The following ECD variants were observed in gnomAD, a reference collection of about 807,000 sequenced individuals.
The protein encoded by ECD is ecdysoneless cell cycle regulator, also known as protein ecdysoneless homolog.
In ECD, 59 loss-of-function variants were observed where a neutral mutation model predicts 77.2. That is an observed-to-expected ratio of 0.76 (90% confidence interval 0.62 to 0.95). The LOEUF is 0.95. Ranked by LOEUF, ECD falls within the 40% of genes least tolerant of loss-of-function variation. ECD has a pLI of 0.00. For missense variants in ECD, 704 were observed against 763.4 expected (o/e 0.92, Z 0.92); for synonymous variants, 233 against 267.4 (o/e 0.87, Z 1.26).
chr10:73,151,779 A>T (rs1843211292), intron 7 of ECD, among the ~76,000 whole-genome samples: 1 of 152,170 alleles, frequency 6.6e-6, no homozygotes, highest in Non-Finnish European at 1.5e-5. Flanking sequence ...TATTGACTTA[A>T]AGGAACACTT....
intron 2 of ECD, among the ~76,000 whole-genome samples, chr10:73,162,764 A>G (rs1443996473): frequency 6.6e-6 from 1 of 152,202 alleles, no homozygotes; most frequent in Non-Finnish European, 1.5e-5. Flanking sequence ...TCATAAAACT[A>G]TAAGAAATGA....
Position 73,151,757 on chromosome 10 carries a change from T to C in ECD, c.912+536A>G, listed in dbSNP as rs116306477. Among the ~76,000 whole-genome samples the C allele has an allele frequency of 1.2e-3, 186 of 152,312 alleles. 1 individual carries two copies. Among genetic ancestry groups the C allele is most frequent in the African/African-American group, 4.3e-3 (180 of 41,570 alleles). ...ACATTTTAAAATTAATTGGCTAGTA[T>C]TATCATTTTCATATTGACTTAAAGG... On this transcript the variant is annotated intron_variant, in intron 7 of 13. Coordinates refer to ENST00000372979, the MANE Select transcript of ECD (RefSeq NM_007265.3).
Position 73,168,007 on chromosome 10 carries a change from C to G in ECD, c.-155G>C. ...CCCGACGCCTGACCGGAACCTGAAGCCAGCGGAAATCCTGAGAGAAAGTCT... is the reference window on the plus strand; with the variant it reads ...CCCGACGCCTGACCGGAACCTGAAGGCAGCGGAAATCCTGAGAGAAAGTCT... On this transcript the variant is annotated 5_prime_UTR_variant, in exon 1 of 14. Coordinates refer to ENST00000372979, the MANE Select transcript of ECD (RefSeq NM_007265.3). 3.0e-6 allele frequency: 1 copy of G among 331,040 alleles called. No homozygotes were observed. Among genetic ancestry groups the G allele is most frequent in the East Asian group, 7.2e-5 (1 of 13,884 alleles). The allele number at this position is 331,040 out of a possible 1,614,324, so 20.5% of individuals were successfully genotyped here.
At chr10:73,152,476 T>C in intron 6 of ECD, 55 bp from the exon 7 acceptor site, 4 of 1,565,150 alleles carry the variant, frequency 2.6e-6, no homozygotes, top group Non-Finnish European at 3.5e-6. Flanking sequence ...AGATTGTGAA[T>C]AACACTTCAC....
rs769183931 is a variant in ECD, at chr10:73,146,311, C to A, written c.1092G>T (p.Glu364Asp). Residue 364 changes from glutamate (E) to aspartate (D), a missense_variant, in exon 9 of 14, where the codon GAG (glutamate) becomes GAT (aspartate). Around this residue, in one of 3 missense-constraint regions of ECD, gnomAD observed 559 missense variants for 583.7 expected, o/e 0.96. Coordinates refer to ENST00000372979, the MANE Select transcript of ECD (RefSeq NM_007265.3). ...AGTCTACTGAGAGCTGGAAGTAATT[C>A]TCTGCCATTTCTAGCCTTTCCCGGT... The part of the protein sequence containing the change: ...AQYRERLEMA[E>D]NYFQLSVDWP... 3.7e-6 allele frequency: 6 copies of A among 1,610,690 alleles called. No homozygotes were observed. The East Asian group carries it at 6.7e-5, about 18-fold the overall frequency.
chr10:73,147,564 T>C (rs1366159546), intron 8 of ECD, among the ~76,000 whole-genome samples: 1 of 151,572 alleles, frequency 6.6e-6, no homozygotes, highest in Non-Finnish European at 1.5e-5. Flanking sequence ...AAAAAAAAAA[T>C]ACCATATATA....
rs1312782247 is a variant in ECD, at chr10:73,163,864, G to A, written c.74C>T (p.Ser25Leu). 1 of 1,614,088 alleles carries A rather than the reference G, an allele frequency of 6.2e-7. No homozygotes were observed. The highest frequency in any genetic ancestry group is 1.7e-5 in the Admixed American group (1 of 60,004). ...EYCLFLIPDE[S>L]RDSDKHKEIL... Reference sequence around the variant, plus strand: ...CTCTTTATGTTTATCTGAGTCCCTTGACTCATCTGGTATCAGGAACAGGCA... The same window carrying A: ...CTCTTTATGTTTATCTGAGTCCCTTAACTCATCTGGTATCAGGAACAGGCA... Residue 25 changes from serine to leucine, a missense_variant, in exon 2 of 14, where the codon TCA becomes TTA. Transcript: ENST00000372979.
chr10:73,151,276 A>G (rs1378586648), intron 7 of ECD, among the ~76,000 whole-genome samples: 1 of 151,334 alleles, frequency 6.6e-6, no homozygotes, highest in Non-Finnish European at 1.5e-5. Context: ...TATTGCAAGG[A>G]CAAAAAACCA....
rs776043538 is a variant in ECD at position 73,154,416 on chromosome 10, C to T, written c.623G>A (p.Arg208Gln). Residue 208 changes from arginine to glutamine, a missense_variant, in exon 6 of 14, where the codon CGA (arginine) becomes CAA (glutamine). Transcript: ENST00000372979. ...YPEKIQASLH[R>Q]AHCFLPAGIV... ...GCCAGCTGGAAGGAAGCAGTGTGCTCGATGAAGTGAGGCCTGAATTTTTTC... is the reference window on the plus strand; with the variant it reads ...GCCAGCTGGAAGGAAGCAGTGTGCTTGATGAAGTGAGGCCTGAATTTTTTC... 6 of 1,611,358 alleles carry T rather than the reference C, an allele frequency of 3.7e-6. No homozygotes were observed. The highest frequency in any genetic ancestry group is 1.1e-5 in the South Asian group (1 of 90,496).
At chr10:73,150,134 C>T (rs1351194528) in intron 7 of ECD, among the ~76,000 whole-genome samples, 2 of 152,170 alleles carry the variant, frequency 1.3e-5, no homozygotes, top group Admixed American at 6.5e-5. Flanking sequence ...TACTGCAAGG[C>T]TACAGTAACC....
Position 73,139,425 on chromosome 10 carries a change from T to C in ECD, c.1305A>G (p.Glu435=). The change falls in exon 11 of 14, where the codon GAA becomes GAG. Residue 435 remains glutamate (E), a synonymous_variant. Coordinates refer to ENST00000372979, the MANE Select transcript of ECD (RefSeq NM_007265.3). Reference sequence around the variant, plus strand: ...TCTCCTCCTTGGAAACAGACTCGGATTCTTTTTTGCCAACAGCTTCCTGCA... The same window carrying C: ...TCTCCTCCTTGGAAACAGACTCGGACTCTTTTTTGCCAACAGCTTCCTGCA... The part of the protein sequence containing the change: ...QLLQEAVGKK[E]SESVSKEEKE... 6.2e-7 allele frequency: 1 copy of C among 1,614,200 alleles called. No homozygotes were observed. The highest frequency in any genetic ancestry group is 8.5e-7 in the Non-Finnish European group (1 of 1,180,038).
chr10:73,165,050 G>T (rs1843435066), intron 1 of ECD, among the ~76,000 whole-genome samples: 1 of 152,140 alleles, frequency 6.6e-6, no homozygotes, highest in Non-Finnish European at 1.5e-5. Context: ...CCACTAATTA[G>T]TTGTGCCACT....
chr10:73,157,809 T>C (rs1479834505), intron 3 of ECD, among the ~76,000 whole-genome samples: 1 of 152,114 alleles, frequency 6.6e-6, no homozygotes, highest in Non-Finnish European at 1.5e-5. Context: ...CTGCTGTTTC[T>C]TGTATATCCT....
chr10:73,158,180 C>T (rs1338238091), intron 3 of ECD, among the ~76,000 whole-genome samples: 3 of 151,750 alleles, frequency 2.0e-5, no homozygotes, highest in Non-Finnish European at 4.4e-5. Flanking sequence ...AGGCTCGTCT[C>T]GAACTTCTGA....
At chr10:73,142,399 G>A (rs1843069989) in intron 9 of ECD, among the ~76,000 whole-genome samples, 1 of 151,984 alleles carries the variant, frequency 6.6e-6, no homozygotes, top group South Asian at 2.1e-4. Context: ...ACTTTGGGAG[G>A]CTGAGGAGGG....
At position 73,152,272 on chromosome 10, in the gene ECD, C is replaced by T. The variant is rs112170206; in HGVS notation, c.912+21G>A. 3.1e-6 allele frequency: 5 copies of T among 1,607,916 alleles called. No individual in the cohort carries two copies. In the South Asian group the frequency reaches 3.3e-5, roughly 11 times the overall value. On this transcript the variant is annotated intron_variant, in intron 7 of 13. Transcript: ENST00000372979. The stretch of plus-strand genomic sequence containing the variant: ...CCATTTACATAAAGAAAGGAAACAA[C>T]ATTTTCTGGTTCAACATTACCAATT...
chr10:73,156,534 T>A (rs1463259649), intron 4 of ECD, 34 bp downstream of exon 4: 1 of 1,612,924 alleles, frequency 6.2e-7, no homozygotes, highest in Non-Finnish European at 8.5e-7. Context: ...CATGATTTCA[T>A]CTCTATAAAT....
At chr10:73,134,979 T>C (rs1842960106) in intron 13 of ECD, among the ~76,000 whole-genome samples, 166 bp from the exon 14 acceptor site, 1 of 152,192 alleles carries the variant, frequency 6.6e-6, no homozygotes, top group South Asian at 2.1e-4. Context: ...ACAAGTTATA[T>C]GGCCTAGCAC....
At chr10:73,161,995 C>A (rs1843386893) in intron 2 of ECD, among the ~76,000 whole-genome samples, 1 of 152,188 alleles carries the variant, frequency 6.6e-6, no homozygotes. Flanking sequence ...ACAGCCCAAC[C>A]AACTCTTCTT....
Sources: allele counts gnomAD v4.1 joint callset (sites outside exome capture counted in the v4.1 genomes callset), GRCh38; gene constraint gnomAD v4.1.1; regional missense constraint gnomAD v4.1.1; transcripts MANE v1.5; gene names NCBI Gene and HGNC (gene_info 2026-07-23, HGNC 2026-07-21).